The following DPP10 variants were observed in gnomAD, a reference collection of about 807,000 sequenced individuals.
The protein encoded by DPP10 is dipeptidyl peptidase like 10.
DPP10 carries 33 observed loss-of-function variants against 120.9 expected under a neutral mutation model. The observed-to-expected ratio is 0.27, with a 90% confidence interval of 0.21 to 0.37. The LOEUF is 0.37. Ranked by LOEUF, DPP10 falls within the 10% of genes least tolerant of loss-of-function variation. The probability of loss-of-function intolerance (pLI) is 1.00; values close to 1 mark genes in which losing one functional copy is unlikely to be tolerated. For missense variants in DPP10, 816 were observed against 942.8 expected, an observed-to-expected ratio of 0.87 and a Z score of 1.76; for synonymous variants, 337 against 326.1, an observed-to-expected ratio of 1.03 and a Z score of -0.36.
In DPP10 at chr2:115,229,689, CCTATTCTATTCTATTCTATT is replaced by C. The variant is rs58625775; in HGVS notation, c.61-79504_61-79485del. Among the ~76,000 whole-genome samples, 880 of 139,806 alleles carry C rather than the reference CCTATTCTATTCTATTCTATT, an allele frequency of 6.3e-3. 4 individuals carry two copies. The highest frequency in any genetic ancestry group is 8.3e-3 in the African/African-American group (312 of 37,464). The allele number at this position is 139,806 out of a possible 152,430, so 91.7% of individuals were successfully genotyped here. On this transcript the variant is annotated intron_variant, in intron 1 of 25. Transcript: ENST00000410059. ...ATGTATAAATTTGTTTCTGAGTTCT[CCTATTCTATTCTATTCTATT>C]CTATTCTATTCTATTCTATTCTATT...
intron 1 of DPP10, among the ~76,000 whole-genome samples, chr2:114,856,110 G>T (rs1255633115): frequency 6.6e-6 from 1 of 152,166 alleles, no homozygotes; most frequent in Non-Finnish European, 1.5e-5. Context: ...ACCAGGCATT[G>T]CATGTAAGAA....
chr2:115,592,761 A>AAAAAAAGAAAGAAAG (rs560411601), intron 5 of DPP10, among the ~76,000 whole-genome samples: 1 of 151,586 alleles, frequency 6.6e-6, no homozygotes, highest in African/African-American at 2.4e-5. Flanking sequence ...TCTCAAAAAC[A>AAAAAAAGAAAGAAAG]AAAAAAGAAA....
intron 5 of DPP10, among the ~76,000 whole-genome samples, chr2:115,560,429 T>A (rs866328247): frequency 2.7e-5 from 2 of 73,102 alleles, no homozygotes; most frequent in African/African-American, 5.1e-5. Flanking sequence ...TATATATATA[T>A]ATATATATAT....
chr2:115,814,549 A>C, intron 19 of DPP10: 1 of 299,444 alleles, frequency 3.3e-6, no homozygotes, highest in Non-Finnish European at 6.1e-6. Flanking sequence ...ACTAATTTCT[A>C]CTGCAATGTT....
chr2:114,798,272 C>T (rs534100800), intron 1 of DPP10, among the ~76,000 whole-genome samples: 6 of 152,094 alleles, frequency 3.9e-5, no homozygotes, highest in African/African-American at 1.4e-4. Flanking sequence ...AGTAATGGGT[C>T]AGTGTTGGTT....
chr2:115,344,715 G>T (rs1009317928), intron 3 of DPP10, among the ~76,000 whole-genome samples: 19 of 152,112 alleles, frequency 1.2e-4, no homozygotes, highest in Non-Finnish European at 1.5e-5. Context: ...TGGTGAAAAG[G>T]AAATCAGTTT....
chr2:115,246,243 A>G (rs1283396545), intron 1 of DPP10, among the ~76,000 whole-genome samples: 1 of 152,086 alleles, frequency 6.6e-6, no homozygotes, highest in East Asian at 1.9e-4. Context: ...AACCTTCACT[A>G]CGTTACAGGA....
intron 1 of DPP10, among the ~76,000 whole-genome samples, chr2:114,570,648 AC>A (rs1465119096): frequency 2.0e-5 from 3 of 150,030 alleles, no homozygotes; most frequent in Non-Finnish European, 3.0e-5. Flanking sequence ...ATATGGTGAA[AC>A]CCCGTCTCTA....
rs1677503566 is a variant in DPP10 at position 115,743,191 on chromosome 2, A to G, written c.853-2895A>G. On this transcript the variant is annotated intron_variant, in intron 9 of 25. Coordinates refer to ENST00000410059, the MANE Select transcript of DPP10 (RefSeq NM_020868.6). The stretch of plus-strand genomic sequence containing the variant: ...ATCTGCAAACTCTTGAAATTATTCA[A>G]ATATTAAAATTTACAAATGAACTTG... Among the ~76,000 whole-genome samples the G allele has an allele frequency of 3.9e-5, 6 of 152,056 alleles. No individual in the cohort carries two copies. In the South Asian group the frequency reaches 1.2e-3, roughly 31 times the overall value.
intron 5 of DPP10, among the ~76,000 whole-genome samples, chr2:115,610,537 A>G (rs1201237677): frequency 1.3e-5 from 2 of 150,986 alleles, no homozygotes; most frequent in African/African-American, 2.4e-5. Context: ...GTGAAGTTTA[A>G]AACGATTTGC....
chr2:114,692,356 G>A (rs932075429), intron 1 of DPP10, among the ~76,000 whole-genome samples: 1 of 152,058 alleles, frequency 6.6e-6, no homozygotes, highest in Non-Finnish European at 1.5e-5. Context: ...GAGTCATTCA[G>A]GAGCAGGTTG....
intron 1 of DPP10, among the ~76,000 whole-genome samples, chr2:114,572,291 G>A (rs1417196068): frequency 6.6e-6 from 1 of 152,076 alleles, no homozygotes; most frequent in African/African-American, 2.4e-5. Flanking sequence ...AGAATGTAAG[G>A]TGTTACCTAG....
intron 1 of DPP10, among the ~76,000 whole-genome samples, chr2:114,940,999 G>C (rs1696855439): frequency 6.6e-6 from 1 of 152,106 alleles, no homozygotes; most frequent in Non-Finnish European, 1.5e-5. Context: ...TAACAATCTA[G>C]CTGTAATACC....
chr2:114,950,586 A>G (rs1697713778), intron 1 of DPP10, among the ~76,000 whole-genome samples: 1 of 151,332 alleles, frequency 6.6e-6, no homozygotes, highest in Admixed American at 6.6e-5. Flanking sequence ...TTAATACAAC[A>G]TCTTGAATAC....
At chr2:115,328,713 G>A (rs1337192589) in intron 2 of DPP10, among the ~76,000 whole-genome samples, 1 of 152,046 alleles carries the variant, frequency 6.6e-6, no homozygotes, top group East Asian at 1.9e-4. Flanking sequence ...GGTTGAAGAG[G>A]TCTAATCACA....
chr2:115,451,154 T>C (rs2073075397), intron 3 of DPP10, among the ~76,000 whole-genome samples: 2 of 151,876 alleles, frequency 1.3e-5, no homozygotes, highest in Admixed American at 1.3e-4. Flanking sequence ...TTATTATTAT[T>C]GCTTAAAAAA....
rs200751468 is a variant in DPP10, at chr2:115,442,384, T to C, written c.272-57126T>C. The stretch of plus-strand genomic sequence containing the variant: ...GTGTTTGTGTGTGTGTGTGTGTGTG[T>C]GTGCGTGTGTCGTTTCATTAGAAAT... On this transcript the variant is annotated intron_variant, in intron 3 of 25. Coordinates refer to ENST00000410059, the MANE Select transcript of DPP10 (RefSeq NM_020868.6). 7.7e-5 allele frequency among the ~76,000 whole-genome samples: 11 copies of C among 143,318 alleles called. No homozygotes were observed. In the East Asian group the frequency reaches 1.3e-3, roughly 17 times the overall value. The allele number at this position is 143,318 out of a possible 152,430, so 94.0% of individuals were successfully genotyped here.
chr2:115,279,433 G>A (rs1052156210), intron 1 of DPP10, among the ~76,000 whole-genome samples: 4 of 151,992 alleles, frequency 2.6e-5, no homozygotes, highest in African/African-American at 9.7e-5. Context: ...ATTGGGGCAG[G>A]TCCATGAACT....
chr2:115,168,864 T>G (rs979770072), intron 1 of DPP10, among the ~76,000 whole-genome samples: 1 of 152,204 alleles, frequency 6.6e-6, no homozygotes, highest in Non-Finnish European at 1.5e-5. Context: ...TGTCATCCAC[T>G]GCCAGGCTAA....
Sources: gnomAD v4.1 joint callset for allele counts (sites outside exome capture counted in the v4.1 genomes callset) on GRCh38, gnomAD v4.1.1 for gene constraint, MANE v1.5 for transcripts, NCBI Gene and HGNC (gene_info 2026-07-23, HGNC 2026-07-21) for gene names.